Variants in LRRTM3 observed in about 807,000 individuals in gnomAD.
The protein encoded by LRRTM3 is leucine-rich repeat transmembrane neuronal protein 3.
In LRRTM3, 24 loss-of-function variants were observed where a neutral mutation model predicts 44.7. The observed-to-expected ratio is 0.54, with a 90% CI of 0.39 to 0.76. The LOEUF (loss-of-function observed/expected upper bound fraction) is 0.76, where lower values mean the gene tolerates loss of function less well. Among genes scored for constraint, LRRTM3 ranks in the 30% least tolerant of loss-of-function variants. LRRTM3 has a pLI of 0.00. For missense variants in LRRTM3, 587 were observed against 702.2 expected, an observed-to-expected ratio of 0.84 and a Z score of 1.85; for synonymous variants, 277 against 278.7, an observed-to-expected ratio of 0.99 and a Z score of 0.06.
At chr10:67,091,472 C>T (rs12268452) in intron 2 of LRRTM3, among the ~76,000 whole-genome samples, 6 of 151,768 alleles carry the variant, frequency 4.0e-5, no homozygotes, top group Non-Finnish European at 8.8e-5. Context: ...AAGAATAATG[C>T]TTCAGACATG....
chr10:66,957,401 T>TATATATATGC (rs1554886314), intron 2 of LRRTM3, among the ~76,000 whole-genome samples: 759 of 30,076 alleles, frequency 0.025, 4 homozygotes, highest in Admixed American at 0.07. Context: ...TACATATATA[T>TATATATATGC]ATATATATAT....
intron 2 of LRRTM3, among the ~76,000 whole-genome samples, chr10:67,049,020 AT>A (rs1474034038): frequency 2.1e-5 from 2 of 97,136 alleles, no homozygotes; most frequent in Non-Finnish European, 3.9e-5. Flanking sequence ...AAAATTTATG[AT>A]GATAACTGGT....
chr10:66,988,692 C>T (rs1850867172), intron 2 of LRRTM3, among the ~76,000 whole-genome samples: 2 of 152,148 alleles, frequency 1.3e-5, no homozygotes, highest in Non-Finnish European at 2.9e-5. Flanking sequence ...GAACATTCTG[C>T]AGTCTGATTA....
At chr10:67,060,361 C>T (rs1034778925) in intron 2 of LRRTM3, among the ~76,000 whole-genome samples, 2 of 151,980 alleles carry the variant, frequency 1.3e-5, no homozygotes, top group African/African-American at 2.4e-5. Flanking sequence ...CAATTAATTG[C>T]CAAGTGACTA....
chr10:67,091,379 AG>A (rs957193966), intron 2 of LRRTM3, among the ~76,000 whole-genome samples: 14 of 151,936 alleles, frequency 9.2e-5, no homozygotes, highest in African/African-American at 3.4e-4. Flanking sequence ...TATATATTTA[AG>A]GAATATATGT....
chr10:67,097,423 T>C (rs888774344), intron 2 of LRRTM3, among the ~76,000 whole-genome samples, 164 bp from the exon 3 acceptor site: 3 of 151,800 alleles, frequency 2.0e-5, no homozygotes, highest in African/African-American at 7.3e-5. Flanking sequence ...GATCTCACCA[T>C]ATAGGAATAG....
chr10:67,005,886 ATGTTGGCTAGGC>A (rs757893993), intron 2 of LRRTM3, among the ~76,000 whole-genome samples: 22 of 151,776 alleles, frequency 1.4e-4, no homozygotes, highest in Non-Finnish European at 3.2e-4. Flanking sequence ...GGGTATCACC[ATGTTGGCTAGGC>A]TGGTCTCAAA....
chr10:66,979,914 C>G (rs921266738), intron 2 of LRRTM3, among the ~76,000 whole-genome samples: 1 of 152,126 alleles, frequency 6.6e-6, no homozygotes, highest in African/African-American at 2.4e-5. Flanking sequence ...TTGTTGTGTT[C>G]TGCTTTGCTT....
At chr10:67,002,453 A>G (rs562682894) in intron 2 of LRRTM3, among the ~76,000 whole-genome samples, 1 of 152,314 alleles carries the variant, frequency 6.6e-6, no homozygotes, top group East Asian at 1.9e-4. Flanking sequence ...ACAAGGTTGA[A>G]TCTAAATCCA....
chr10:67,026,574 T>C (rs898104259), intron 2 of LRRTM3, among the ~76,000 whole-genome samples: 3 of 152,148 alleles, frequency 2.0e-5, no homozygotes, highest in Admixed American at 2.0e-4. Flanking sequence ...TAGCTCCTTA[T>C]ATATTAGTCA....
Position 67,066,162 on chromosome 10 carries a change from A to G in LRRTM3, c.1537-31425A>G, listed in dbSNP as rs574572413. 3.6e-3 allele frequency among the ~76,000 whole-genome samples: 533 copies of G among 148,932 alleles called. 3 individuals are homozygous for G. The highest frequency in any genetic ancestry group is 0.012 in the African/African-American group (500 of 40,280). On this transcript the variant is annotated intron_variant, in intron 2 of 2. Coordinates refer to ENST00000361320, the MANE Select transcript of LRRTM3 (RefSeq NM_178011.5). ...TACCATCACCAGTGCTCGTTTCCCT[A>G]TAGCACACTGCTGTGCCCACTGAAG...
chr10:66,936,201 T>C (rs929156967), intron 2 of LRRTM3, among the ~76,000 whole-genome samples: 1 of 152,136 alleles, frequency 6.6e-6, no homozygotes. Flanking sequence ...CACAGATGTG[T>C]GGAGTCTTTA....
At position 67,097,898 on chromosome 10, in the gene LRRTM3, CAAAATCCCCTGTTCAAATA is replaced by C; in HGVS notation, c.*105_*123del. ...TGGACTCTAAAAACAAAACAAAACA[CAAAATCCCCTGTTCAAATA>C]AACAAAAAATCCAAGATTGATTCAT... is the stretch of plus-strand genomic sequence containing the variant. On this transcript the variant is annotated 3_prime_UTR_variant, in exon 3 of 3. Coordinates refer to ENST00000361320, the MANE Select transcript of LRRTM3 (RefSeq NM_178011.5). The C allele has an allele frequency of 1.0e-6, 1 of 976,750 alleles. No homozygotes were observed. The highest frequency in any genetic ancestry group is 1.5e-5 in the South Asian group (1 of 65,660). 60.5% of individuals were successfully genotyped at this position (976,750 alleles called of 1,614,324 possible). A position where few individuals can be genotyped will look rare whatever the true frequency, so the allele number is the denominator to read the frequency against.
chr10:66,932,253 G>A (rs1472956266), intron 2 of LRRTM3, among the ~76,000 whole-genome samples: 2 of 152,148 alleles, frequency 1.3e-5, no homozygotes, highest in Non-Finnish European at 2.9e-5. Context: ...TCATGGATTT[G>A]GCAAGAGGTT....
At chr10:66,977,127 G>A (rs1850081062) in intron 2 of LRRTM3, among the ~76,000 whole-genome samples, 1 of 152,036 alleles carries the variant, frequency 6.6e-6, no homozygotes, top group Non-Finnish European at 1.5e-5. Flanking sequence ...TTGTTTAAAG[G>A]ACCTATAATG....
chr10:67,087,730 G>A (rs534760269), intron 2 of LRRTM3, among the ~76,000 whole-genome samples: 3 of 151,914 alleles, frequency 2.0e-5, no homozygotes, highest in East Asian at 1.9e-4. Flanking sequence ...TACATAATTC[G>A]ATTTTAATAG....
chr10:67,015,181 T>C (rs895365343), intron 2 of LRRTM3: 2 of 152,186 alleles, frequency 1.3e-5, no homozygotes, highest in African/African-American at 4.8e-5. Flanking sequence ...TGTCACATAT[T>C]AATCATTTTC....
intron 2 of LRRTM3, among the ~76,000 whole-genome samples, chr10:66,943,162 T>C (rs911801005): frequency 2.6e-5 from 4 of 152,208 alleles, no homozygotes; most frequent in Non-Finnish European, 4.4e-5. Flanking sequence ...ATGAAAATAA[T>C]TCGTTCTTTT....
chr10:66,934,379 C>A (rs2132653587), intron 2 of LRRTM3, among the ~76,000 whole-genome samples: 1 of 152,018 alleles, frequency 6.6e-6, no homozygotes, highest in African/African-American at 2.4e-5. Context: ...CCTATATCAC[C>A]AAAAAATGTC....
Sources: allele counts gnomAD v4.1 joint callset (sites outside exome capture counted in the v4.1 genomes callset), GRCh38; gene constraint gnomAD v4.1.1; transcripts MANE v1.5; gene names NCBI Gene and HGNC (gene_info 2026-07-23, HGNC 2026-07-21).